Variants in SNX29 observed in about 807,000 individuals in gnomAD.
SNX29 encodes the protein sorting nexin 29.
In SNX29, 78 loss-of-function variants were observed where a neutral mutation model predicts 102.1. That is an observed-to-expected ratio of 0.76 (90% CI 0.64 to 0.92). The LOEUF is 0.92. Ranked by LOEUF, SNX29 falls within the 40% of genes least tolerant of loss-of-function variation. The pLI is 0.00. For synonymous variants in SNX29, 580 were observed against 414.5 expected (o/e 1.40, Z -4.85); for missense variants, 1,280 against 1,061.7 (o/e 1.21, Z -2.86).
intron 14 of SNX29, among the ~76,000 whole-genome samples, chr16:12,268,604 A>T (rs750330344): frequency 9.2e-5 from 14 of 152,182 alleles, no homozygotes; most frequent in Non-Finnish European, 1.6e-4. Context: ...GGAACTGTAA[A>T]GTGTCCCAAA....
intron 19 of SNX29, among the ~76,000 whole-genome samples, chr16:12,488,716 C>T (rs1421682839): frequency 1.3e-5 from 2 of 152,192 alleles, no homozygotes; most frequent in African/African-American, 2.4e-5. Context: ...GCCATCTCAC[C>T]TGCCCGCTGG....
chr16:12,442,371 C>T (rs1597392058), intron 18 of SNX29, among the ~76,000 whole-genome samples: 1 of 152,134 alleles, frequency 6.6e-6, no homozygotes, highest in African/African-American at 2.4e-5. Context: ...CTCTCCTAAC[C>T]CTGTTTCTTC....
chr16:12,351,145 C>T (rs2081981279), intron 15 of SNX29, among the ~76,000 whole-genome samples: 1 of 152,184 alleles, frequency 6.6e-6, no homozygotes, highest in Non-Finnish European at 1.5e-5. Context: ...GCCAGCCCTG[C>T]AGGGGGATTG....
intron 15 of SNX29, among the ~76,000 whole-genome samples, chr16:12,352,619 T>C (rs948761690): frequency 1.3e-5 from 2 of 152,248 alleles, no homozygotes; most frequent in Non-Finnish European, 2.9e-5. Flanking sequence ...TGATGACTCA[T>C]AGTCTTTGCA....
chr16:12,561,263 C>T (rs1383933485), intron 20 of SNX29: 7 of 230,126 alleles, frequency 3.0e-5, no homozygotes, highest in Middle Eastern at 1.3e-3. Flanking sequence ...CTCCACAGAT[C>T]CAAGGGGCTA....
intron 15 of SNX29, among the ~76,000 whole-genome samples, chr16:12,339,349 C>A (rs181963420): frequency 1.7e-5 from 2 of 117,430 alleles, no homozygotes; most frequent in African/African-American, 6.9e-5. Flanking sequence ...CCAGCCTGGG[C>A]GACAGAGTGA....
At chr16:11,979,992 G>A (rs955390061) in intron 1 of SNX29, among the ~76,000 whole-genome samples, 1 of 152,110 alleles carries the variant, frequency 6.6e-6, no homozygotes, top group East Asian at 1.9e-4. Flanking sequence ...TCTAAGTAAG[G>A]TTTAAACAGT....
intron 15 of SNX29, among the ~76,000 whole-genome samples, chr16:12,279,599 C>T (rs918159991): frequency 6.6e-6 from 1 of 152,160 alleles, no homozygotes; most frequent in African/African-American, 2.4e-5. Flanking sequence ...GAGTCTGTGC[C>T]CGGAAGTCCC....
chr16:12,017,002 C>T (rs1367465693), intron 3 of SNX29, among the ~76,000 whole-genome samples: 1 of 151,788 alleles, frequency 6.6e-6, no homozygotes, highest in Non-Finnish European at 1.5e-5. Context: ...ACCGTGGTAG[C>T]GCCTGTGGTC....
chr16:12,425,483 C>T (rs779041637), intron 18 of SNX29, among the ~76,000 whole-genome samples: 9 of 141,708 alleles, frequency 6.4e-5, no homozygotes, highest in African/African-American at 7.9e-5. Flanking sequence ...TTCCATTGCA[C>T]GCTGATTCAG....
At chr16:12,488,071 A>G (rs1345138429) in intron 19 of SNX29, among the ~76,000 whole-genome samples, 2 of 152,208 alleles carry the variant, frequency 1.3e-5, no homozygotes, top group African/African-American at 4.8e-5. Flanking sequence ...ATGCATAGGT[A>G]TATATATGTT....
chr16:12,346,082 G>T (rs1435731674), intron 15 of SNX29, among the ~76,000 whole-genome samples: 1 of 132,818 alleles, frequency 7.5e-6, no homozygotes, highest in Non-Finnish European at 1.8e-5. Context: ...GTTATTGAAG[G>T]ATTTTAAGCA....
intron 20 of SNX29, among the ~76,000 whole-genome samples, chr16:12,561,694 C>T (rs917182671): frequency 1.2e-4 from 19 of 152,294 alleles, no homozygotes; most frequent in East Asian, 5.8e-4. Context: ...CCCCCTTTTC[C>T]CCAACTCCCC....
At chr16:11,994,167 T>G (rs1242845713) in intron 1 of SNX29, among the ~76,000 whole-genome samples, 2 of 152,104 alleles carry the variant, frequency 1.3e-5, no homozygotes, top group Non-Finnish European at 2.9e-5. Flanking sequence ...CCCAACTAGG[T>G]GACTGACTTT....
chr16:12,185,259 T>A (rs1267410288), intron 13 of SNX29, among the ~76,000 whole-genome samples: 6 of 151,884 alleles, frequency 4.0e-5, no homozygotes, highest in Non-Finnish European at 5.9e-5. Flanking sequence ...TGGGGAGGGA[T>A]CTTTGGGGGA....
At chr16:12,331,095 C>G (rs972159812) in intron 15 of SNX29, among the ~76,000 whole-genome samples, 1 of 152,208 alleles carries the variant, frequency 6.6e-6, no homozygotes, top group South Asian at 2.1e-4. Context: ...GGATTGCACC[C>G]CATGGGCTCC....
At chr16:12,006,028 G>A (rs2056439965) in intron 3 of SNX29, among the ~76,000 whole-genome samples, 1 of 152,116 alleles carries the variant, frequency 6.6e-6, no homozygotes, top group Admixed American at 6.6e-5. Flanking sequence ...TGGCTAAAAG[G>A]AGTACGTGGC....
intron 14 of SNX29, among the ~76,000 whole-genome samples, chr16:12,228,846 G>T (rs1188637999): frequency 6.6e-6 from 1 of 152,236 alleles, no homozygotes; most frequent in Non-Finnish European, 1.5e-5. Flanking sequence ...GCCACATGGC[G>T]AGTCAAGAGC....
At position 12,570,337 on chromosome 16, in the gene SNX29, C is replaced by G. The variant is rs1471300810; in HGVS notation, c.*1708C>G. The G allele has an allele frequency of 8.1e-6, 6 of 740,570 alleles. No homozygotes were observed. The East Asian group carries it at 2.1e-4, about 26-fold the overall frequency. 45.9% of individuals were successfully genotyped at this position (740,570 alleles called of 1,614,324 possible). A position where few individuals can be genotyped will look rare whatever the true frequency, so the allele number is the denominator to read the frequency against. On this transcript the variant is annotated 3_prime_UTR_variant, in exon 21 of 21. Coordinates refer to ENST00000566228, the MANE Select transcript of SNX29 (RefSeq NM_032167.5). ...CCTGTAAAGGCAACTTGGTCTCCCT[C>G]CCACTCACCTGCCAACATTGCTGCA...
Sources: allele counts gnomAD v4.1 joint callset (sites outside exome capture counted in the v4.1 genomes callset), GRCh38; gene constraint gnomAD v4.1.1; transcripts MANE v1.5; gene names NCBI Gene and HGNC (gene_info 2026-07-23, HGNC 2026-07-21).